Variants in CARMIL1 observed in about 807,000 individuals in gnomAD.
The protein encoded by CARMIL1 is capping protein regulator and myosin 1 linker 1, also known as F-actin-uncapping protein LRRC16A.
A neutral mutation model predicts 177.1 loss-of-function variants in CARMIL1; 90 were observed. The observed-to-expected ratio is 0.51, with a 90% CI of 0.43 to 0.61. CARMIL1 has a LOEUF of 0.61. Ranked by LOEUF, CARMIL1 falls within the 20% of genes least tolerant of loss-of-function variation. The pLI, the probability that CARMIL1 is intolerant of heterozygous loss-of-function variation, is 0.00. For synonymous variants in CARMIL1, 577 were observed against 606.2 expected, an observed-to-expected ratio of 0.95 and a Z score of 0.71; for missense variants, 1,380 against 1,667.0, an observed-to-expected ratio of 0.83 and a Z score of 3.00.
intron 31 of CARMIL1, among the ~76,000 whole-genome samples, chr6:25,584,319 G>A (rs996867986): frequency 5.3e-5 from 8 of 149,718 alleles, no homozygotes; most frequent in African/African-American, 2.0e-4. Context: ...GGGATTGCAG[G>A]CATGAGCTAC....
intron 2 of CARMIL1, among the ~76,000 whole-genome samples, chr6:25,314,727 A>G (rs1784142349): frequency 6.6e-6 from 1 of 152,136 alleles, no homozygotes; most frequent in South Asian, 2.1e-4. Flanking sequence ...TTGAGTATAT[A>G]CTTGGCTTTA....
At chr6:25,314,949 A>G (rs979984859) in intron 2 of CARMIL1, among the ~76,000 whole-genome samples, 3 of 152,240 alleles carry the variant, frequency 2.0e-5, no homozygotes, top group Admixed American at 6.5e-5. Flanking sequence ...ATGGAACTAC[A>G]GAGATAGCCT....
intron 2 of CARMIL1, among the ~76,000 whole-genome samples, chr6:25,320,837 G>A (rs1372893809): frequency 6.6e-6 from 1 of 152,202 alleles, no homozygotes; most frequent in Admixed American, 6.5e-5. Flanking sequence ...CACATTGTAA[G>A]AAGAAGAATT....
chr6:25,323,825 G>A (rs1225770269), intron 2 of CARMIL1, among the ~76,000 whole-genome samples: 5 of 152,074 alleles, frequency 3.3e-5, no homozygotes, highest in Non-Finnish European at 7.4e-5. Flanking sequence ...CATTTGTTTT[G>A]TTTCATTTTT....
intron 4 of CARMIL1, among the ~76,000 whole-genome samples, chr6:25,432,386 A>G (rs1796865694): frequency 6.6e-6 from 1 of 152,318 alleles, no homozygotes; most frequent in African/African-American, 2.4e-5. Context: ...AAAATTCCTG[A>G]GACTTACCTA....
intron 2 of CARMIL1, among the ~76,000 whole-genome samples, chr6:25,415,550 G>C (rs1795286249): frequency 6.6e-6 from 1 of 151,026 alleles, no homozygotes; most frequent in South Asian, 2.1e-4. Context: ...ATGGCTGGCT[G>C]GTTCCTTGTG....
chr6:25,460,673 G>A (rs943083953), intron 8 of CARMIL1, among the ~76,000 whole-genome samples: 3 of 152,226 alleles, frequency 2.0e-5, no homozygotes, highest in African/African-American at 7.2e-5. Flanking sequence ...ATGTTGGTAT[G>A]TGTAGCTATA....
chr6:25,576,948 T>C, intron 29 of CARMIL1: 1 of 980,698 alleles, frequency 1.0e-6, no homozygotes, highest in Non-Finnish European at 1.2e-6. Flanking sequence ...CCATTCATAT[T>C]TTTTTTCTTT....
At chr6:25,588,588 G>A (rs143036491) in intron 31 of CARMIL1, among the ~76,000 whole-genome samples, 5 of 152,298 alleles carry the variant, frequency 3.3e-5, no homozygotes, top group East Asian at 1.9e-4. Context: ...TTCTAACCAC[G>A]ACACCCAACA....
rs1196155878 is a variant in CARMIL1, at chr6:25,537,930, G to C, written c.2143G>C (p.Glu715Gln). The part of the protein sequence containing the change: ...LRNCGGDAIQ[E>Q]DLKSAERLMR... ...AAATTGTGGGGGAGACGCTATCCAG[G>C]AAGATTTAAAATCAGCAGAGCGGCT... Residue 715 changes from glutamate (E) to glutamine (Q), a missense_variant, in exon 25 of 37, where the codon GAA becomes CAA. By Grantham distance (29) the Glu-to-Gln change is conservative. Transcript: ENST00000329474. 1.2e-6 allele frequency: 2 copies of C among 1,606,792 alleles called. No homozygotes were observed. The highest frequency in any genetic ancestry group is 2.7e-5 in the African/African-American group (2 of 74,854).
chr6:25,530,281 G>A (rs1807617171), intron 24 of CARMIL1, among the ~76,000 whole-genome samples: 1 of 152,108 alleles, frequency 6.6e-6, no homozygotes, highest in African/African-American at 2.4e-5. Flanking sequence ...CGCTTGGGAG[G>A]TCGAGACAGG....
rs376121986 is a variant in CARMIL1 at position 25,465,896 on chromosome 6, C to T, written c.638C>T (p.Ala213Val). The T allele has an allele frequency of 4.7e-5, 76 of 1,612,594 alleles. No individual in the cohort carries two copies. In the African/African-American group the frequency reaches 1.0e-3, roughly 22 times the overall value. ...AGGGACCTAATACCTATCATTGCTG[C>T]TCTGGAATATAATCAGTGGTTCACA... ...DHRDLIPIIA[A>V]LEYNQWFTKL... The change falls in exon 9 of 37, where the codon GCT becomes GTT. Residue 213 changes from alanine to valine, a missense_variant. Coordinates refer to ENST00000329474, the MANE Select transcript of CARMIL1 (RefSeq NM_017640.6).
chr6:25,282,949 A>G lies in CARMIL1; in HGVS notation c.41-1863A>G, dbSNP rs144350646. On this transcript the variant is annotated intron_variant, in intron 1 of 36. Transcript: ENST00000329474. ...TACCTGACATACAAGAGGTACTCCT[A>G]TGTACATTTATTTGTTGAACATGTG... Among the ~76,000 whole-genome samples, 274 of 152,332 alleles carry G rather than the reference A, an allele frequency of 1.8e-3. 2 individuals are homozygous for G. Among genetic ancestry groups the G allele is most frequent in the East Asian group, 0.014 (74 of 5,186 alleles).
At chr6:25,302,491 G>T (rs1782935697) in intron 2 of CARMIL1, among the ~76,000 whole-genome samples, 1 of 152,144 alleles carries the variant, frequency 6.6e-6, no homozygotes, top group African/African-American at 2.4e-5. Context: ...GAGAGTCCAG[G>T]ACTGTTTACC....
intron 2 of CARMIL1, among the ~76,000 whole-genome samples, chr6:25,415,807 T>C (rs981122201): frequency 2.6e-5 from 4 of 152,116 alleles, no homozygotes; most frequent in African/African-American, 9.7e-5. Flanking sequence ...GTCTATTGTC[T>C]TGCAAAAGGA....
At chr6:25,579,207 A>G (rs1400450492) in intron 29 of CARMIL1, among the ~76,000 whole-genome samples, 1 of 151,150 alleles carries the variant, frequency 6.6e-6, no homozygotes, top group Non-Finnish European at 1.5e-5. Flanking sequence ...AACTTAAACC[A>G]GACTATTTTT....
chr6:25,472,287 A>T (rs537651697), intron 10 of CARMIL1, 140 bp from the exon 11 acceptor site: 9 of 601,798 alleles, frequency 1.5e-5, no homozygotes, highest in Non-Finnish European at 2.3e-5. Context: ...GTTAATGGGT[A>T]TTAAGAAATA....
rs762144848 is a variant in CARMIL1, at chr6:25,435,505, G to A, written c.272G>A (p.Cys91Tyr). Residue 91 changes from cysteine (C) to tyrosine (Y), a missense_variant, in exon 5 of 37, where the codon TGC (cysteine) becomes TAC (tyrosine). Physicochemically the swap from Cys to Tyr is radical, Grantham distance 194. Transcript: ENST00000329474. ...SAQMIVETEK[C>Y]SISMKMASPE... is the part of the protein sequence containing the mutation. The stretch of plus-strand genomic sequence containing the variant: ...CAGATGATTGTGGAAACTGAGAAGT[G>A]CAGCATTTCCATGAAGATGGCGTCA... 28 of 1,551,534 alleles carry A rather than the reference G, an allele frequency of 1.8e-5. No homozygotes were observed. The South Asian group carries it at 3.1e-4, about 17-fold the overall frequency.
chr6:25,355,104 A>G (rs9467474), intron 2 of CARMIL1, among the ~76,000 whole-genome samples: 8,928 of 152,280 alleles, frequency 0.059, 583 homozygotes, highest in African/African-American at 0.15. Context: ...GAGGCCATTA[A>G]TAAAATAAAA....
Sources: allele counts gnomAD v4.1 joint callset (sites outside exome capture counted in the v4.1 genomes callset), GRCh38; gene constraint gnomAD v4.1.1; transcripts MANE v1.5; gene names NCBI Gene and HGNC (gene_info 2026-07-23, HGNC 2026-07-21).